The following UST variants were observed in gnomAD, a reference collection of about 807,000 sequenced individuals.
UST encodes uronyl 2-sulfotransferase, also known as chondroitin sulfate 2-O-sulfotransferase.
Under a neutral mutation model 45.6 loss-of-function variants are expected in UST, and 21 were observed. The ratio of observed to expected loss-of-function variants is 0.46; its 90% CI spans 0.33 to 0.66. The LOEUF (loss-of-function observed/expected upper bound fraction) is 0.66, where lower values mean the gene tolerates loss of function less well. UST is among the 30% of genes least tolerant of loss of function. UST has a pLI of 0.02. For synonymous variants in UST, 215 were observed against 200.6 expected (o/e 1.07, Z -0.61); for missense variants, 463 against 512.4 (o/e 0.90, Z 0.93).
At chr6:148,977,749 C>T (rs1249929444) in intron 5 of UST, among the ~76,000 whole-genome samples, 1 of 66,236 alleles carries the variant, frequency 1.5e-5, no homozygotes, top group Non-Finnish European at 3.0e-5. Context: ...GAGAATCTGT[C>T]TCAAAAAAAA....
At chr6:148,868,258 A>C (rs1391535679) in intron 1 of UST, among the ~76,000 whole-genome samples, 3 of 152,232 alleles carry the variant, frequency 2.0e-5, no homozygotes, top group Non-Finnish European at 2.9e-5. Flanking sequence ...TTTTCCAACA[A>C]GTAAGTTGAT....
intron 1 of UST, among the ~76,000 whole-genome samples, chr6:148,864,215 C>A (rs1033047628): frequency 3.3e-5 from 5 of 152,346 alleles, no homozygotes; most frequent in African/African-American, 1.2e-4. Context: ...AGGCGCCCCT[C>A]CCCCAGCCTG....
chr6:148,836,132 A>G (rs1019133250), intron 1 of UST, among the ~76,000 whole-genome samples: 1 of 152,202 alleles, frequency 6.6e-6, no homozygotes, highest in African/African-American at 2.4e-5. Flanking sequence ...GCCCAAACCC[A>G]CACGGGAGGG....
At chr6:148,764,049 A>G (rs1776272749) in intron 1 of UST, among the ~76,000 whole-genome samples, 1 of 152,190 alleles carries the variant, frequency 6.6e-6, no homozygotes, top group African/African-American at 2.4e-5. Flanking sequence ...CGGTAATTTG[A>G]TAGGAATTGC....
At chr6:149,065,963 A>C (rs1334105515) in intron 7 of UST, among the ~76,000 whole-genome samples, 1 of 152,220 alleles carries the variant, frequency 6.6e-6, no homozygotes, top group Non-Finnish European at 1.5e-5. Context: ...AGAGGGTTGG[A>C]TGCTGCCACC....
At chr6:149,043,505 A>G (rs6570923) in intron 7 of UST, among the ~76,000 whole-genome samples, 48,067 of 152,262 alleles carry the variant, frequency 0.32, 8,018 homozygotes, top group Non-Finnish European at 0.36. Flanking sequence ...CATCCCCTAG[A>G]ACAGTGAGCA....
intron 1 of UST, among the ~76,000 whole-genome samples, chr6:148,807,729 A>T (rs774721132): frequency 6.6e-6 from 1 of 152,120 alleles, no homozygotes; most frequent in East Asian, 1.9e-4. Context: ...GTATTTTCAT[A>T]TTGGGAAATC....
intron 1 of UST, among the ~76,000 whole-genome samples, chr6:148,879,877 C>G (rs189712728): frequency 6.6e-6 from 1 of 151,808 alleles, no homozygotes; most frequent in Non-Finnish European, 1.5e-5. Context: ...ATGGGGCATT[C>G]TCTACTACAA....
chr6:149,060,078 C>T (rs1487540859), intron 7 of UST, among the ~76,000 whole-genome samples: 1 of 152,208 alleles, frequency 6.6e-6, no homozygotes, highest in Admixed American at 6.5e-5. Context: ...CATTCTCTTT[C>T]ATCAAAGGAA....
Position 148,764,894 on chromosome 6 carries a change from G to C in UST, c.247+17217G>C, listed in dbSNP as rs529447840. ...GACAGGCTGGAATTTCCTAATCCTA[G>C]CAAGCCTGGGGGTGCTGCAGGAGAC... On this transcript the variant is annotated intron_variant, in intron 1 of 7. Coordinates refer to ENST00000367463, the MANE Select transcript of UST (RefSeq NM_005715.3). 6.6e-5 allele frequency among the ~76,000 whole-genome samples: 10 copies of C among 152,246 alleles called. 1 individual carries two copies. In the South Asian group the frequency reaches 2.1e-3, roughly 32 times the overall value.
chr6:148,753,799 G>C (rs988080464), intron 1 of UST, among the ~76,000 whole-genome samples: 1 of 152,118 alleles, frequency 6.6e-6, no homozygotes, highest in Non-Finnish European at 1.5e-5. Flanking sequence ...CGCCAAGAAA[G>C]TATGAGAATT....
rs187811073 is a variant in UST at position 148,750,560 on chromosome 6, A to G, written c.247+2883A>G. Among the ~76,000 whole-genome samples the G allele has an allele frequency of 4.9e-4, 75 of 152,330 alleles. No individual in the cohort carries two copies. In the East Asian group the frequency reaches 0.013, roughly 26 times the overall value. ...CAACCCATGTCTGTCTGATTGCAATACCCATTGCATAGCACTATGGGCAGT... is the reference window on the plus strand; with the variant it reads ...CAACCCATGTCTGTCTGATTGCAATGCCCATTGCATAGCACTATGGGCAGT... On this transcript the variant is annotated intron_variant, in intron 1 of 7. Coordinates refer to ENST00000367463, the MANE Select transcript of UST (RefSeq NM_005715.3).
intron 5 of UST, among the ~76,000 whole-genome samples, chr6:148,978,233 T>C (rs1033317417): frequency 4.6e-5 from 7 of 152,182 alleles, no homozygotes; most frequent in African/African-American, 7.2e-5. Flanking sequence ...GTTTTTGTTG[T>C]ATCTCTAGAA....
At chr6:148,772,943 T>C (rs1340683348) in intron 1 of UST, among the ~76,000 whole-genome samples, 1 of 152,180 alleles carries the variant, frequency 6.6e-6, no homozygotes, top group Non-Finnish European at 1.5e-5. Context: ...TTTATTAACA[T>C]TTTTTTGCGA....
Position 148,825,812 on chromosome 6 carries a change from A to C in UST, c.248-61174A>C, listed in dbSNP as rs72999174. Among the ~76,000 whole-genome samples, 12 of 152,292 alleles carry C rather than the reference A, an allele frequency of 7.9e-5. No homozygotes were observed. In the South Asian group the frequency reaches 2.3e-3, roughly 29 times the overall value. On this transcript the variant is annotated intron_variant, in intron 1 of 7. Coordinates refer to ENST00000367463, the MANE Select transcript of UST (RefSeq NM_005715.3). ...CATGGTGGGGGGAGGAGAAGGCTCT[A>C]GAATAATGTGGCATCTGGGAAAAGA... is the stretch of plus-strand genomic sequence containing the variant.
At chr6:148,777,855 A>G (rs1448703165) in intron 1 of UST, among the ~76,000 whole-genome samples, 1 of 152,212 alleles carries the variant, frequency 6.6e-6, no homozygotes, top group African/African-American at 2.4e-5. Flanking sequence ...CACCTGGCCT[A>G]GGTATATTTA....
chr6:148,843,979 G>A (rs1415204627), intron 1 of UST, among the ~76,000 whole-genome samples: 1 of 152,084 alleles, frequency 6.6e-6, no homozygotes, highest in African/African-American at 2.4e-5. Flanking sequence ...GAGTAACTTT[G>A]GTTAAAAAGG....
At chr6:148,826,411 G>A (rs1777568154) in intron 1 of UST, among the ~76,000 whole-genome samples, 1 of 150,892 alleles carries the variant, frequency 6.6e-6, no homozygotes, top group South Asian at 2.1e-4. Flanking sequence ...TGGTGCCCAG[G>A]CTCCTGTTTT....
In UST at chr6:148,941,320, C is replaced by T. The variant is rs750266712; in HGVS notation, c.333C>T (p.Gly111=). Residue 111 remains glycine (G), a synonymous_variant, in exon 3 of 8, where the codon GGC becomes GGT. Coordinates refer to ENST00000367463, the MANE Select transcript of UST (RefSeq NM_005715.3). ...GCCAGGTGGTGTACAACAGGGTAGG[C>T]AAGTGTGGGAGCCGTACTGTGGTCT... ...FPSQVVYNRV[G]KCGSRTVVLL... The T allele has an allele frequency of 2.5e-6, 4 of 1,612,466 alleles. No homozygotes were observed. In the South Asian group the frequency reaches 4.4e-5, roughly 18 times the overall value.
Sources: allele counts gnomAD v4.1 joint callset (sites outside exome capture counted in the v4.1 genomes callset), GRCh38; gene constraint gnomAD v4.1.1; transcripts MANE v1.5; gene names NCBI Gene and HGNC (gene_info 2026-07-23, HGNC 2026-07-21).